The following XIAP variants were observed in gnomAD, a reference collection of about 807,000 sequenced individuals.
XIAP encodes the protein E3 ubiquitin-protein ligase XIAP.
Under a neutral mutation model 33.1 loss-of-function variants are expected in XIAP, and 3 were observed. The observed-to-expected ratio is 0.09, with a 90% CI of 0.04 to 0.23. The LOEUF (loss-of-function observed/expected upper bound fraction) is 0.23, where lower values mean the gene tolerates loss of function less well. XIAP is among the 10% of genes least tolerant of loss of function. The pLI, the probability that XIAP is intolerant of heterozygous loss-of-function variation, is 1.00. For missense variants in XIAP, 264 were observed against 363.0 expected (o/e 0.73, Z 2.22); for synonymous variants, 98 against 121.3 (o/e 0.81, Z 1.26).
intron 1 of XIAP, among the ~76,000 whole-genome samples, chrX:123,882,385 T>C (rs978283274): frequency 8.9e-6 from 1 of 112,079 alleles, no homozygotes; most frequent in African/African-American, 3.2e-5. Context: ...GATAATCTTT[T>C]AGATATCTTA....
At chrX:123,865,885 G>C (rs929425008) in intron 1 of XIAP, among the ~76,000 whole-genome samples, 4 of 110,272 alleles carry the variant, frequency 3.6e-5, no homozygotes, top group Non-Finnish European at 7.6e-5. Context: ...CTCCCAAGTA[G>C]CTGGGATTAC....
At chrX:123,884,944 C>CAAAAAAAAAAAAAAAA (rs5903649) in intron 1 of XIAP, among the ~76,000 whole-genome samples, 1 of 92,111 alleles carries the variant, frequency 1.1e-5, no homozygotes, top group African/African-American at 4.1e-5. Context: ...ATGTCATGGG[C>CAAAAAAAAAAAAAAAA]AAAAAAAAAA....
intron 1 of XIAP, among the ~76,000 whole-genome samples, chrX:123,869,750 C>T (rs984620002): frequency 9.0e-6 from 1 of 111,577 alleles, no homozygotes; most frequent in Admixed American, 9.6e-5. Flanking sequence ...GAGTAACAGT[C>T]AGAACTACTG....
At chrX:123,897,927 C>T (rs1463835387) in intron 5 of XIAP, among the ~76,000 whole-genome samples, 1 of 111,643 alleles carries the variant, frequency 9.0e-6, no homozygotes, top group Admixed American at 9.6e-5. Flanking sequence ...ATTAGGTGGG[C>T]ACAAGTAATG....
In XIAP at chrX:123,910,511, A is replaced by C. The variant is rs780627585; in HGVS notation, c.*3330A>C. The stretch of plus-strand genomic sequence containing the variant: ...CTGATTACACAGGTGTTGAATGGGG[A>C]AAGGGGCTAGTATATCAGTAGGATA... On this transcript the variant is annotated 3_prime_UTR_variant, in exon 7 of 7. Coordinates refer to ENST00000371199, the MANE Select transcript of XIAP (RefSeq NM_001167.4). 2 of 329,411 alleles carry C rather than the reference A, an allele frequency of 6.1e-6. No homozygotes were observed. Among genetic ancestry groups the C allele is most frequent in the Middle Eastern group, 1.9e-3 (2 of 1,042 alleles). 27.1% of individuals were successfully genotyped at this position (329,411 alleles called of 1,213,427 possible).
chrX:123,875,452 C>T (rs2053235741), intron 1 of XIAP, among the ~76,000 whole-genome samples: 1 of 112,016 alleles, frequency 8.9e-6, no homozygotes. Flanking sequence ...AAAGATGTAC[C>T]AGTTTTTAGT....
intron 1 of XIAP, among the ~76,000 whole-genome samples, chrX:123,863,955 C>A (rs980573750): frequency 9.0e-6 from 1 of 111,438 alleles, no homozygotes; most frequent in Non-Finnish European, 1.9e-5. Flanking sequence ...TTGGATGATT[C>A]CAACTAGGCT....
chrX:123,860,805 C>G (rs1351751683), intron 1 of XIAP, among the ~76,000 whole-genome samples: 1 of 112,060 alleles, frequency 8.9e-6, no homozygotes, highest in Non-Finnish European at 1.9e-5. Context: ...CTCCATAACA[C>G]TTAAATTGTT....
intron 6 of XIAP, among the ~76,000 whole-genome samples, chrX:123,905,271 C>T (rs374430661): frequency 1.8e-5 from 2 of 111,530 alleles, no homozygotes; most frequent in Non-Finnish European, 3.8e-5. Flanking sequence ...GTAGCCTCAT[C>T]TCATGCTATT....
At position 123,910,164 on chromosome X, in the gene XIAP, T is replaced by C. The variant is rs953209721; in HGVS notation, c.*2983T>C. 8.6e-5 allele frequency: 28 copies of C among 326,368 alleles called. No homozygotes were observed. In the Admixed American group the frequency reaches 8.8e-4, roughly 10 times the overall value. 26.9% of individuals were successfully genotyped at this position (326,368 alleles called of 1,213,427 possible). ...TGTCTTAATTTTTGAGAACTGGTTT[T>C]AGCATTTACAAACTAAATTCCAGTT... On this transcript the variant is annotated 3_prime_UTR_variant, in exon 7 of 7. Transcript: ENST00000371199.
chrX:123,863,847 C>T (rs989090607), intron 1 of XIAP, among the ~76,000 whole-genome samples: 3 of 111,081 alleles, frequency 2.7e-5, no homozygotes, highest in Non-Finnish European at 5.7e-5. Context: ...TATTGCCCAC[C>T]GTAATATATC....
At position 123,912,478 on chromosome X, in the gene XIAP, T is replaced by TA. The variant is rs1366742695; in HGVS notation, c.*5298dup. ...GGCAAAACCCTGTCTCTACAAAAAA[T>TA]ACAAAAATTAGCTGGGCATGGTGGT... On this transcript the variant is annotated 3_prime_UTR_variant, in exon 7 of 7. Transcript: ENST00000371199. 6.2e-6 allele frequency: 2 copies of TA among 325,117 alleles called. No individual in the cohort carries two copies. The highest frequency in any genetic ancestry group is 9.8e-5 in the East Asian group (1 of 10,175). The allele number at this position is 325,117 out of a possible 1,213,427, so 26.8% of individuals were successfully genotyped here.
At chrX:123,900,019 C>T (rs1359603468) in intron 5 of XIAP, among the ~76,000 whole-genome samples, 4 of 111,675 alleles carry the variant, frequency 3.6e-5, no homozygotes, top group Admixed American at 2.9e-4. Flanking sequence ...CAGTCCTACC[C>T]GCTCTGCTAC....
At chrX:123,859,893 C>A (rs976693870), upstream of XIAP, 3 of 251,212 alleles carry the variant, frequency 1.2e-5, no homozygotes, top group African/African-American at 2.9e-5. Flanking sequence ...TCGAGGGACG[C>A]CCGGCCCAAG....
intron 5 of XIAP, among the ~76,000 whole-genome samples, chrX:123,897,857 C>T (rs768712638): frequency 2.7e-5 from 3 of 112,538 alleles, no homozygotes; most frequent in Non-Finnish European, 3.7e-5. Context: ...CTGTGCCCAG[C>T]TGGAAAGACC....
chrX:123,894,061 T>C (rs1249202909), intron 5 of XIAP, among the ~76,000 whole-genome samples: 1 of 112,022 alleles, frequency 8.9e-6, no homozygotes, highest in Non-Finnish European at 1.9e-5. Flanking sequence ...GCCATTACCC[T>C]GATAAGCCCT....
intron 6 of XIAP, among the ~76,000 whole-genome samples, chrX:123,904,199 A>C (rs1175200690): frequency 9.0e-6 from 1 of 110,926 alleles, no homozygotes; most frequent in African/African-American, 3.3e-5. Context: ...TGCCTCCCTG[A>C]GAGCTGGGAT....
Position 123,888,606 on chromosome X carries a change from T to C in XIAP, c.878-13T>C. 2 of 1,194,558 alleles carry C rather than the reference T, an allele frequency of 1.7e-6. No homozygotes were observed. The highest frequency in any genetic ancestry group is 2.3e-6 in the Non-Finnish European group (2 of 880,091). On this transcript the variant is annotated splice_polypyrimidine_tract_variant and intron_variant, in intron 2 of 6. Coordinates refer to ENST00000371199, the MANE Select transcript of XIAP (RefSeq NM_001167.4). Reference sequence around the variant, plus strand: ...AATTGCACAAATACATATATTCCTGTGTGTTTTCGTAGGTGAAGGTGATAA... The same window carrying C: ...AATTGCACAAATACATATATTCCTGCGTGTTTTCGTAGGTGAAGGTGATAA...
In XIAP at chrX:123,900,700, A is replaced by G. The variant is rs749438405; in HGVS notation, c.1300+7A>G. 2.0e-5 allele frequency: 24 copies of G among 1,205,632 alleles called. No individual in the cohort carries two copies. The highest frequency in any genetic ancestry group is 2.5e-5 in the Non-Finnish European group (22 of 891,178). On this transcript the variant is annotated splice_region_variant and intron_variant, in intron 6 of 6. Coordinates refer to ENST00000371199, the MANE Select transcript of XIAP (RefSeq NM_001167.4). ...CAGACTTCATTACAGAAAGGTATGCATTGCTGTTTTTAAAAAGCAAGAAAG... is the reference window on the plus strand; with the variant it reads ...CAGACTTCATTACAGAAAGGTATGCGTTGCTGTTTTTAAAAAGCAAGAAAG...
Sources: gnomAD v4.1 joint callset for allele counts (sites outside exome capture counted in the v4.1 genomes callset) on GRCh38, gnomAD v4.1.1 for gene constraint, MANE v1.5 for transcripts, NCBI Gene and HGNC (gene_info 2026-07-23, HGNC 2026-07-21) for gene names.